NT5C3B: variants seen among roughly 807,000 people sequenced by gnomAD.
The protein encoded by NT5C3B is 7-methylguanosine phosphate-specific 5'-nucleotidase.
NT5C3B carries 28 observed loss-of-function variants against 32.5 expected under a neutral mutation model. The ratio of observed to expected loss-of-function variants is 0.86; its 90% CI spans 0.64 to 1.18. The LOEUF (loss-of-function observed/expected upper bound fraction) is 1.18, where lower values mean the gene tolerates loss of function less well. Among genes scored for constraint, NT5C3B ranks in the 50% most tolerant of loss-of-function variants. The pLI, the probability that NT5C3B is intolerant of heterozygous loss-of-function variation, is 0.00. For synonymous variants in NT5C3B, 138 were observed against 118.0 expected (o/e 1.17, Z -1.10); for missense variants, 317 against 322.0 (o/e 0.98, Z 0.12).
At chr17:41,835,724 C>T (rs1555619826) in intron 2 of NT5C3B, 135 bp downstream of exon 2, 1 of 953,544 alleles carries the variant, frequency 1.0e-6, no homozygotes, top group South Asian at 1.4e-5. Flanking sequence ...ACCCGCTCTC[C>T]TTCAAGCTCC....
chr17:41,825,712 A>C, intron 8 of NT5C3B, 55 bp from the exon 9 acceptor site: 1 of 867,494 alleles, frequency 1.2e-6, no homozygotes, highest in East Asian at 2.4e-5. Flanking sequence ...TGCCCTCCGT[A>C]GCTCACTCTC....
chr17:41,826,919 G>C (rs2047974777), intron 8 of NT5C3B, among the ~76,000 whole-genome samples: 1 of 150,060 alleles, frequency 6.7e-6, no homozygotes, highest in Non-Finnish European at 1.5e-5. Flanking sequence ...AGAATCACTT[G>C]AACCTGGGAG....
chr17:41,832,336 T>A (rs573669071), intron 5 of NT5C3B, 56 bp downstream of exon 5: 11 of 1,484,296 alleles, frequency 7.4e-6, no homozygotes, highest in Admixed American at 3.4e-5. Flanking sequence ...AATATGCCCC[T>A]CCCAGCCTAC....
chr17:41,826,255 ACT>A (rs2047961232), intron 8 of NT5C3B, among the ~76,000 whole-genome samples: 1 of 151,580 alleles, frequency 6.6e-6, no homozygotes, highest in Non-Finnish European at 1.5e-5. Flanking sequence ...ATAGGATCTC[ACT>A]CTGCTGCGTA....
intron 8 of NT5C3B, among the ~76,000 whole-genome samples, chr17:41,826,211 ATTTCTTTC>A (rs58327354): frequency 0.73 from 110,302 of 150,326 alleles, 40,884 homozygotes; most frequent in Admixed American, 0.84. Flanking sequence ...TCTGGACTGA[ATTTCTTTC>A]TTTCTTTCTT....
At chr17:41,831,374 G>T (rs2048049495) in intron 5 of NT5C3B, among the ~76,000 whole-genome samples, 1 of 151,180 alleles carries the variant, frequency 6.6e-6, no homozygotes, top group Admixed American at 6.6e-5. Flanking sequence ...ACAGAGACAA[G>T]TGCTGGGCAA....
chr17:41,829,931 C>T (rs1033558003), intron 6 of NT5C3B, among the ~76,000 whole-genome samples: 1 of 152,154 alleles, frequency 6.6e-6, no homozygotes, highest in Non-Finnish European at 1.5e-5. Context: ...CACTAGGGTA[C>T]AAACACTCCC....
At chr17:41,830,953 C>G in intron 5 of NT5C3B, 63 bp from the exon 6 acceptor site, 1 of 1,062,232 alleles carries the variant, frequency 9.4e-7, no homozygotes, top group African/African-American at 1.6e-5. Flanking sequence ...CTCACCCTTT[C>G]CCTTTACAGA....
At chr17:41,827,278 G>A (rs923909054) in intron 8 of NT5C3B, 148 bp downstream of exon 8, 20 of 363,386 alleles carry the variant, frequency 5.5e-5, no homozygotes, top group East Asian at 2.7e-4. Context: ...CAGCCTGGGC[G>A]ACAGAGTGAG....
At chr17:41,833,191 G>GT (rs1195648350) in intron 4 of NT5C3B, among the ~76,000 whole-genome samples, 16 of 152,166 alleles carry the variant, frequency 1.1e-4, no homozygotes, top group African/African-American at 3.6e-4. Flanking sequence ...GGCTTAACCA[G>GT]TAAGAACTTA....
At position 41,828,858 on chromosome 17, in the gene NT5C3B, T is replaced by A; in HGVS notation, c.499A>T (p.Ile167Phe). 3 of 1,613,956 alleles carry A rather than the reference T, an allele frequency of 1.9e-6. No individual in the cohort carries two copies. Among genetic ancestry groups the A allele is most frequent in the Non-Finnish European group, 2.5e-6 (3 of 1,179,860 alleles). Residue 167 changes from isoleucine (I) to phenylalanine (F), a missense_variant, in exon 7 of 9, where the codon ATC (isoleucine) becomes TTC (phenylalanine). Ile to Phe is a conservative substitution (Grantham distance 21). Transcript: ENST00000435506. ...AGIGDILEEI[I>F]RQMKVFHPNI... ...GGGTGGAACACTTTCATCTGTCGGA[T>A]AATTTCTTCCAGGATATCACCAATG...
intron 6 of NT5C3B, among the ~76,000 whole-genome samples, chr17:41,830,379 G>C (rs1415020019): frequency 7.2e-5 from 11 of 152,182 alleles, no homozygotes; most frequent in Admixed American, 5.9e-4. Context: ...GTGGTGGCGG[G>C]CACCTGTAAT....
intron 7 of NT5C3B, among the ~76,000 whole-genome samples, chr17:41,828,058 C>T (rs782261056): frequency 6.6e-6 from 1 of 152,206 alleles, no homozygotes; most frequent in African/African-American, 2.4e-5. Context: ...TACACATGTG[C>T]TAGTGCTCAG....
intron 5 of NT5C3B, among the ~76,000 whole-genome samples, 199 bp from the exon 6 acceptor site, chr17:41,831,089 C>A (rs1248942809): frequency 1.3e-5 from 2 of 152,086 alleles, no homozygotes; most frequent in African/African-American, 4.8e-5. Context: ...GAGGTCAAGG[C>A]GGGTGGATCA....
At chr17:41,834,304 G>A (rs1390110288) in intron 4 of NT5C3B, among the ~76,000 whole-genome samples, 1 of 151,802 alleles carries the variant, frequency 6.6e-6, no homozygotes, top group African/African-American at 2.4e-5. Context: ...GCTGAGGCAT[G>A]AGAATTGCTT....
At chr17:41,833,544 C>G (rs1182407459) in intron 4 of NT5C3B, among the ~76,000 whole-genome samples, 2 of 152,162 alleles carry the variant, frequency 1.3e-5, no homozygotes, top group Non-Finnish European at 2.9e-5. Flanking sequence ...TCTCGATCTC[C>G]TGACCTCAAC....
At chr17:41,828,167 A>G (rs2047996254) in intron 7 of NT5C3B, among the ~76,000 whole-genome samples, 1 of 152,114 alleles carries the variant, frequency 6.6e-6, no homozygotes, top group South Asian at 2.1e-4. Context: ...GGAGCAGCCC[A>G]CCTCTGGCTT....
chr17:41,835,769 C>G, intron 2 of NT5C3B, 90 bp downstream of exon 2: 1 of 1,292,378 alleles, frequency 7.7e-7, no homozygotes. Flanking sequence ...TAGGAGGGGT[C>G]CGCGGCAGAG....
chr17:41,832,039 G>C (rs1304514290), intron 5 of NT5C3B, among the ~76,000 whole-genome samples: 1 of 152,134 alleles, frequency 6.6e-6, no homozygotes, highest in Non-Finnish European at 1.5e-5. Flanking sequence ...CTGGGCAACA[G>C]AGCAAGACTC....
Sources: gnomAD v4.1 joint callset for allele counts (sites outside exome capture counted in the v4.1 genomes callset) on GRCh38, gnomAD v4.1.1 for gene constraint, MANE v1.5 for transcripts, NCBI Gene and HGNC (gene_info 2026-07-23, HGNC 2026-07-21) for gene names.